The following TAFA1 variants were observed in gnomAD, a reference collection of about 807,000 sequenced individuals.
TAFA1 encodes TAFA chemokine like family member 1.
A neutral mutation model predicts 18.5 loss-of-function variants in TAFA1; 4 were observed. The observed-to-expected ratio is 0.22, with a 90% CI of 0.11 to 0.49. The LOEUF (loss-of-function observed/expected upper bound fraction) is 0.49, where lower values mean the gene tolerates loss of function less well. Ranked by LOEUF, TAFA1 falls within the 20% of genes least tolerant of loss-of-function variation. The pLI is 0.98. For synonymous variants in TAFA1, 56 were observed against 55.2 expected (o/e 1.01, Z -0.06); for missense variants, 147 against 169.0 (o/e 0.87, Z 0.72).
chr3:68,018,472 A>T (rs1704612933), intron 2 of TAFA1, among the ~76,000 whole-genome samples: 2 of 152,240 alleles, frequency 1.3e-5, no homozygotes. Context: ...CAACAAACTT[A>T]ATATTTATAT....
intron 3 of TAFA1, among the ~76,000 whole-genome samples, chr3:68,483,016 C>G (rs1291352281): frequency 1.3e-5 from 2 of 152,138 alleles, no homozygotes; most frequent in Non-Finnish European, 2.9e-5. Flanking sequence ...TTCTTGCAAT[C>G]AACATAGGTC....
At chr3:68,032,265 A>G (rs1349048798) in intron 2 of TAFA1, among the ~76,000 whole-genome samples, 11 of 152,198 alleles carry the variant, frequency 7.2e-5, no homozygotes, top group Non-Finnish European at 1.6e-4. Flanking sequence ...CAAGTGTACT[A>G]AAGTATGGAG....
In TAFA1 at chr3:68,111,977, G is replaced by T. The variant is rs75896073; in HGVS notation, c.118+105233G>T. On this transcript the variant is annotated intron_variant, in intron 2 of 4. Coordinates refer to ENST00000478136, the MANE Select transcript of TAFA1 (RefSeq NM_213609.4). ...GGAAAAGATACTCCATAAAAACACT[G>T]ACTGTTGGGTAATCAACGTCTGCTG... is the stretch of plus-strand genomic sequence containing the variant. 4.3e-3 allele frequency among the ~76,000 whole-genome samples: 654 copies of T among 152,238 alleles called. 2 individuals are homozygous for T. Among genetic ancestry groups the T allele is most frequent in the African/African-American group, 0.015 (637 of 41,560 alleles).
At chr3:68,370,844 G>C (rs2069692606) in intron 2 of TAFA1, among the ~76,000 whole-genome samples, 2 of 149,832 alleles carry the variant, frequency 1.3e-5, no homozygotes, top group South Asian at 4.2e-4. Context: ...GAGTGCCAGG[G>C]AATAATCTAT....
At chr3:68,216,195 T>C (rs1389513669) in intron 2 of TAFA1, among the ~76,000 whole-genome samples, 1 of 152,044 alleles carries the variant, frequency 6.6e-6, no homozygotes, top group Non-Finnish European at 1.5e-5. Flanking sequence ...AGAAGATTTT[T>C]TTAAAGCAGA....
chr3:68,449,741 T>C (rs901122766), intron 3 of TAFA1, among the ~76,000 whole-genome samples: 1 of 152,198 alleles, frequency 6.6e-6, no homozygotes, highest in African/African-American at 2.4e-5. Flanking sequence ...TGAGCCCACA[T>C]GAGTGTGGCC....
chr3:68,524,141 G>C (rs2073069591), intron 3 of TAFA1, among the ~76,000 whole-genome samples: 1 of 152,142 alleles, frequency 6.6e-6, no homozygotes, highest in Admixed American at 6.5e-5. Flanking sequence ...CATTGGACCT[G>C]GAATCAGGGT....
intron 2 of TAFA1, among the ~76,000 whole-genome samples, chr3:68,025,715 T>C (rs775160738): frequency 3.9e-5 from 6 of 152,146 alleles, no homozygotes; most frequent in Non-Finnish European, 5.9e-5. Flanking sequence ...TTTGGAATGC[T>C]CTTCCCCAGA....
rs181505893 is a variant in TAFA1, at chr3:68,062,447, G to A, written c.118+55703G>A. Among the ~76,000 whole-genome samples, 310 of 152,290 alleles carry A rather than the reference G, an allele frequency of 2.0e-3. 3 individuals carry two copies. Among genetic ancestry groups the A allele is most frequent in the African/African-American group, 7.1e-3 (294 of 41,568 alleles). On this transcript the variant is annotated intron_variant, in intron 2 of 4. Coordinates refer to ENST00000478136, the MANE Select transcript of TAFA1 (RefSeq NM_213609.4). ...ATAATGCGCAGGTCCTGAAAGACTA[G>A]TTCATGACTTCTGGAGAATAATTTA...
At chr3:68,164,304 A>G (rs2065958133) in intron 2 of TAFA1, among the ~76,000 whole-genome samples, 1 of 152,232 alleles carries the variant, frequency 6.6e-6, no homozygotes, top group Non-Finnish European at 1.5e-5. Context: ...TGTTTAATGT[A>G]CATGAACTAT....
intron 2 of TAFA1, among the ~76,000 whole-genome samples, chr3:68,175,764 G>A (rs980270091): frequency 6.6e-6 from 1 of 152,104 alleles, no homozygotes; most frequent in Non-Finnish European, 1.5e-5. Flanking sequence ...AAGACTTTGG[G>A]GGATGGTTGG....
At chr3:68,434,521 T>C (rs1575863307) in intron 3 of TAFA1, among the ~76,000 whole-genome samples, 1 of 152,188 alleles carries the variant, frequency 6.6e-6, no homozygotes, top group Admixed American at 6.6e-5. Flanking sequence ...TCATGTGCTG[T>C]GAATTTTTTT....
intron 2 of TAFA1, among the ~76,000 whole-genome samples, chr3:68,224,118 C>G (rs2066766878): frequency 6.6e-6 from 1 of 151,804 alleles, no homozygotes; most frequent in Non-Finnish European, 1.5e-5. Context: ...GTTTGCTTCT[C>G]ACAGTCAACT....
intron 2 of TAFA1, among the ~76,000 whole-genome samples, chr3:68,405,464 C>T (rs1020799395): frequency 2.7e-5 from 4 of 148,936 alleles, no homozygotes; most frequent in African/African-American, 7.4e-5. Flanking sequence ...CCTAGGAGAT[C>T]GAGACCAGCG....
chr3:68,489,116 T>G (rs1256430856), intron 3 of TAFA1, among the ~76,000 whole-genome samples: 1 of 152,096 alleles, frequency 6.6e-6, no homozygotes, highest in African/African-American at 2.4e-5. Context: ...GGCAGAAGAG[T>G]TGCAGTTTTT....
In TAFA1 at chr3:68,363,172, G is replaced by T. The variant is rs546422421; in HGVS notation, c.119-54108G>T. ...TTACAAAGCCTGAGAGCTGGTTTTG[G>T]AATGCATGCCTGGCACATGGTAGGT... On this transcript the variant is annotated intron_variant, in intron 2 of 4. Transcript: ENST00000478136. 1.6e-4 allele frequency among the ~76,000 whole-genome samples: 24 copies of T among 152,090 alleles called. No individual in the cohort carries two copies. In the East Asian group the frequency reaches 2.1e-3, roughly 14 times the overall value.
chr3:68,135,924 A>G (rs1359623969), intron 2 of TAFA1, among the ~76,000 whole-genome samples: 1 of 152,084 alleles, frequency 6.6e-6, no homozygotes, highest in Non-Finnish European at 1.5e-5. Flanking sequence ...AAACCGGGGA[A>G]ATTTTGCTGA....
intron 3 of TAFA1, among the ~76,000 whole-genome samples, chr3:68,455,160 A>G (rs1223176174): frequency 1.3e-5 from 2 of 152,138 alleles, no homozygotes; most frequent in African/African-American, 2.4e-5. Flanking sequence ...GTGGAAATGG[A>G]TCATCATAAA....
At chr3:68,509,053 C>T (rs1056352143) in intron 3 of TAFA1, among the ~76,000 whole-genome samples, 1 of 152,038 alleles carries the variant, frequency 6.6e-6, no homozygotes, top group Non-Finnish European at 1.5e-5. Flanking sequence ...GTCACATTGG[C>T]CTCCAAGTGT....
Sources: gnomAD v4.1 joint callset for allele counts (sites outside exome capture counted in the v4.1 genomes callset) on GRCh38, gnomAD v4.1.1 for gene constraint, MANE v1.5 for transcripts, NCBI Gene and HGNC (gene_info 2026-07-23, HGNC 2026-07-21) for gene names.